HSD17B14: variants seen among roughly 807,000 people sequenced by gnomAD.
HSD17B14 encodes hydroxysteroid 17-beta dehydrogenase 14.
A neutral mutation model predicts 32.2 loss-of-function variants in HSD17B14; 32 were observed. That is an observed-to-expected ratio of 0.99 (90% CI 0.75 to 1.33). HSD17B14 has a LOEUF of 1.33. Ranked by LOEUF, HSD17B14 falls within the 40% of genes most tolerant of loss-of-function variation. The pLI is 0.00. For synonymous variants in HSD17B14, 140 were observed against 155.4 expected, an observed-to-expected ratio of 0.90 and a Z score of 0.74; for missense variants, 370 against 366.5, an observed-to-expected ratio of 1.01 and a Z score of -0.08.
intron 4 of HSD17B14, among the ~76,000 whole-genome samples, chr19:48,832,326 C>T (rs1039773270): frequency 1.1e-4 from 16 of 151,546 alleles, no homozygotes; most frequent in African/African-American, 3.9e-4. Context: ...TTGCAGTGAG[C>T]TGAGATCACA....
intron 5 of HSD17B14, among the ~76,000 whole-genome samples, chr19:48,815,767 A>G (rs1350374994): frequency 6.6e-6 from 1 of 152,104 alleles, no homozygotes; most frequent in African/African-American, 2.4e-5. Flanking sequence ...CACACCTGTA[A>G]TCCCAGCACT....
intron 2 of HSD17B14, among the ~76,000 whole-genome samples, chr19:48,835,462 G>C (rs1222038052): frequency 7.0e-6 from 1 of 143,872 alleles, no homozygotes; most frequent in Non-Finnish European, 1.5e-5. Flanking sequence ...TGGACTCCTG[G>C]GTCTGAGGGA....
intron 4 of HSD17B14, among the ~76,000 whole-genome samples, chr19:48,832,013 G>A (rs1488071387): frequency 6.7e-6 from 1 of 149,640 alleles, no homozygotes; most frequent in Non-Finnish European, 1.5e-5. Context: ...GGGAGGTGCA[G>A]GTTGCAGTGA....
chr19:48,836,433 C>G lies in HSD17B14; in HGVS notation c.-22G>C. ...CCATCCCGTGTACGTCGGTCTCTCT[C>G]TCTCTCTACTCTGGGCCTCTTTCAC... On this transcript the variant is annotated 5_prime_UTR_variant, in exon 1 of 9. Coordinates refer to ENST00000263278, the MANE Select transcript of HSD17B14 (RefSeq NM_016246.3). 6.2e-7 allele frequency: 1 copy of G among 1,610,850 alleles called. No homozygotes were observed.
At position 48,826,186 on chromosome 19, in the gene HSD17B14, T is replaced by C. The variant is rs980448729; in HGVS notation, c.369+5482A>G. Among the ~76,000 whole-genome samples, 29 of 151,700 alleles carry C rather than the reference T, an allele frequency of 1.9e-4. 1 individual carries two copies. The highest frequency in any genetic ancestry group is 8.3e-4 in the South Asian group (4 of 4,820). ...TTTATGTGAAATCTGCCTTGTGAAA[T>C]GTTGGCAATGAATGAAAAAAGATAG... On this transcript the variant is annotated intron_variant, in intron 5 of 8. Coordinates refer to ENST00000263278, the MANE Select transcript of HSD17B14 (RefSeq NM_016246.3).
chr19:48,828,093 A>T (rs1158137982), intron 5 of HSD17B14, among the ~76,000 whole-genome samples: 1 of 152,078 alleles, frequency 6.6e-6, no homozygotes, highest in African/African-American at 2.4e-5. Context: ...TGACCTCGTG[A>T]TCCGCCGGCC....
At chr19:48,817,984 A>G (rs190880112) in intron 5 of HSD17B14, among the ~76,000 whole-genome samples, 63 of 152,278 alleles carry the variant, frequency 4.1e-4, no homozygotes, top group African/African-American at 1.4e-3. Flanking sequence ...ACCCAAACCC[A>G]TAAACAAACA....
intron 5 of HSD17B14, among the ~76,000 whole-genome samples, chr19:48,817,920 C>T (rs2035083528): frequency 6.6e-6 from 1 of 152,206 alleles, no homozygotes; most frequent in Non-Finnish European, 1.5e-5. Context: ...TTGACGCCCG[C>T]AGGGCATCAC....
Position 48,817,993 on chromosome 19 carries a change from C to T in HSD17B14, c.370-2852G>A, listed in dbSNP as rs2035084618. ...GCTGAGACCCAAACCCATAAACAAA[C>T]AACAATTTCTCACAATTCTAAGTAT... is the stretch of plus-strand genomic sequence containing the variant. On this transcript the variant is annotated intron_variant, in intron 5 of 8. Coordinates refer to ENST00000263278, the MANE Select transcript of HSD17B14 (RefSeq NM_016246.3). Among the ~76,000 whole-genome samples, 3 of 152,138 alleles carry T rather than the reference C, an allele frequency of 2.0e-5. 1 individual carries two copies. The highest frequency in any genetic ancestry group is 7.2e-5 in the African/African-American group (3 of 41,438).
In HSD17B14 at chr19:48,818,310, AAAAAAAAGAAAAAAG is replaced by A. The variant is rs953699758; in HGVS notation, c.370-3184_370-3170del. ...TGGGCAGCAGATAAAGACTGTCTCA[AAAAAAAAGAAAAAAG>A]AAAAAAGAAAAAGAGAAACCATGCT... is the stretch of plus-strand genomic sequence containing the variant. On this transcript the variant is annotated intron_variant, in intron 5 of 8. Transcript: ENST00000263278. 2.4e-5 allele frequency among the ~76,000 whole-genome samples: 3 copies of A among 125,750 alleles called. No individual in the cohort carries two copies. The Admixed American group carries it at 2.6e-4, about 11-fold the overall frequency. 82.5% of individuals were successfully genotyped at this position (125,750 alleles called of 152,430 possible). A position where few individuals can be genotyped will look rare whatever the true frequency, so the allele number is the denominator to read the frequency against.
intron 5 of HSD17B14, among the ~76,000 whole-genome samples, chr19:48,816,791 C>CTT (rs1243665006): frequency 9.4e-6 from 1 of 106,668 alleles, no homozygotes; most frequent in Non-Finnish European, 1.9e-5. Flanking sequence ...TTCTTTCTTT[C>CTT]TTTCTTTCTT....
chr19:48,833,644 TG>T, intron 3 of HSD17B14, among the ~76,000 whole-genome samples: 1 of 152,034 alleles, frequency 6.6e-6, no homozygotes, highest in East Asian at 1.9e-4. Context: ...CTGACCAACA[TG>T]GAGAAACACC....
In HSD17B14 at chr19:48,815,139, G is replaced by A. The variant is rs975858899; in HGVS notation, c.372C>T (p.Leu124=). The change falls in exon 6 of 9, where the codon CTC becomes CTT. Residue 124 remains leucine (L), a splice_region_variant and synonymous_variant. Transcript: ENST00000263278. The part of the protein sequence containing the change: ...NLLGTYTLTK[L]ALPYLRKSQG... ...GACTCTTCCGCAGGTAGGGGAGGGC[G>A]AGCTAGGGAGACAAGAGGCCAAGTA... 28 of 1,612,704 alleles carry A rather than the reference G, an allele frequency of 1.7e-5. No individual in the cohort carries two copies. Among genetic ancestry groups the A allele is most frequent in the South Asian group, 2.2e-5 (2 of 91,052 alleles).
chr19:48,824,147 G>T (rs958394677), intron 5 of HSD17B14, among the ~76,000 whole-genome samples: 7 of 64,282 alleles, frequency 1.1e-4, no homozygotes, highest in African/African-American at 5.1e-4. Context: ...CCAGCTACTT[G>T]GTAGGCTGAG....
Position 48,813,829 on chromosome 19 carries a change from A to C in HSD17B14, c.475-99T>G. ...AGCCAGGGGGGCATCAGAATGGGGA[A>C]GTCATGCCCTCCTTGAAGGCTGCCT... is the stretch of plus-strand genomic sequence containing the variant. On this transcript the variant is annotated intron_variant, in intron 6 of 8. Coordinates refer to ENST00000263278, the MANE Select transcript of HSD17B14 (RefSeq NM_016246.3). 6 of 1,320,606 alleles carry C rather than the reference A, an allele frequency of 4.5e-6. No homozygotes were observed. The South Asian group carries it at 4.8e-5, about 11-fold the overall frequency. The allele number at this position is 1,320,606 out of a possible 1,614,324, so 81.8% of individuals were successfully genotyped here.
At chr19:48,834,533 G>A (rs1482807516) in intron 2 of HSD17B14, among the ~76,000 whole-genome samples, 175 bp from the exon 3 acceptor site, 3 of 97,256 alleles carry the variant, frequency 3.1e-5, no homozygotes, top group Non-Finnish European at 5.6e-5. Flanking sequence ...CTGGGGGCCT[G>A]GACTCCTGGG....
chr19:48,822,342 T>C (rs1386701783), intron 5 of HSD17B14, among the ~76,000 whole-genome samples: 1 of 73,358 alleles, frequency 1.4e-5, no homozygotes, highest in Non-Finnish European at 2.9e-5. Flanking sequence ...GTGATGATGG[T>C]GGTGATGATG....
chr19:48,825,906 C>T (rs530190329), intron 5 of HSD17B14, among the ~76,000 whole-genome samples: 159 of 151,948 alleles, frequency 1.0e-3, no homozygotes, highest in Non-Finnish European at 1.8e-3. Flanking sequence ...CTGCAAGCTC[C>T]GCCTCCTGGG....
At chr19:48,831,949 G>A (rs993610564) in intron 4 of HSD17B14, among the ~76,000 whole-genome samples, 190 bp from the exon 5 acceptor site, 1 of 151,590 alleles carries the variant, frequency 6.6e-6, no homozygotes, top group Non-Finnish European at 1.5e-5. Flanking sequence ...GTGGTGGCGG[G>A]TGCCTATATT....
Sources: gnomAD v4.1 joint callset for allele counts (sites outside exome capture counted in the v4.1 genomes callset) on GRCh38, gnomAD v4.1.1 for gene constraint, MANE v1.5 for transcripts, NCBI Gene and HGNC (gene_info 2026-07-23, HGNC 2026-07-21) for gene names.